Variants in SGCZ observed in about 807,000 individuals in gnomAD.
SGCZ encodes the protein sarcoglycan zeta.
Under a neutral mutation model 41.3 loss-of-function variants are expected in SGCZ, and 40 were observed. That is an observed-to-expected ratio of 0.97 (90% confidence interval 0.75 to 1.26). The LOEUF is 1.26. Among genes scored for constraint, SGCZ ranks in the 50% most tolerant of loss-of-function variants. The pLI is 0.00. For missense variants in SGCZ, 552 were observed against 369.8 expected, an observed-to-expected ratio of 1.49 and a Z score of -4.04; for synonymous variants, 206 against 137.5, an observed-to-expected ratio of 1.50 and a Z score of -3.49.
chr8:15,186,565 A>G (rs112714596), intron 1 of SGCZ, among the ~76,000 whole-genome samples: 8 of 152,212 alleles, frequency 5.3e-5, no homozygotes, highest in African/African-American at 1.9e-4. Context: ...GAGCTTTGAA[A>G]TAATATCTAT....
intron 1 of SGCZ, among the ~76,000 whole-genome samples, chr8:14,612,035 A>T (rs1430125187): frequency 1.3e-5 from 2 of 152,240 alleles, no homozygotes; most frequent in South Asian, 2.1e-4. Flanking sequence ...CCATTAAAAA[A>T]TTATTTAGCA....
intron 2 of SGCZ, among the ~76,000 whole-genome samples, chr8:14,447,266 C>T (rs555267381): frequency 2.0e-5 from 3 of 152,076 alleles, no homozygotes; most frequent in Admixed American, 6.6e-5. Flanking sequence ...AAACCAAGAT[C>T]TTTTCTTGCT....
At chr8:15,065,577 T>C (rs989139636) in intron 1 of SGCZ, among the ~76,000 whole-genome samples, 7 of 151,900 alleles carry the variant, frequency 4.6e-5, no homozygotes, top group Admixed American at 1.3e-4. Context: ...CTTGAGTAGA[T>C]GGGAGTACAG....
chr8:14,605,462 A>G (rs1218286150), intron 1 of SGCZ, among the ~76,000 whole-genome samples: 1 of 152,104 alleles, frequency 6.6e-6, no homozygotes, highest in Non-Finnish European at 1.5e-5. Context: ...ATTAGTATTG[A>G]CTATAGCCAC....
chr8:14,442,043 AG>A (rs1425791677), intron 2 of SGCZ, among the ~76,000 whole-genome samples: 1 of 152,242 alleles, frequency 6.6e-6, no homozygotes, highest in African/African-American at 2.4e-5. Context: ...AAACTGCCCA[AG>A]GCCATAACCA....
chr8:14,940,125 T>A (rs1181478696), intron 1 of SGCZ, among the ~76,000 whole-genome samples: 1 of 152,134 alleles, frequency 6.6e-6, no homozygotes, highest in Non-Finnish European at 1.5e-5. Flanking sequence ...CTATCCTACC[T>A]TCTGAAATCA....
chr8:14,771,900 G>C (rs1800252429), intron 1 of SGCZ, among the ~76,000 whole-genome samples: 1 of 151,970 alleles, frequency 6.6e-6, no homozygotes, highest in Non-Finnish European at 1.5e-5. Context: ...CAATAAAAAT[G>C]TTTTTATAAT....
At chr8:14,123,560 C>A (rs1394750852) in intron 5 of SGCZ, among the ~76,000 whole-genome samples, 2 of 152,124 alleles carry the variant, frequency 1.3e-5, no homozygotes, top group Admixed American at 6.6e-5. Flanking sequence ...GAGCCATGAC[C>A]AAGACCTATA....
chr8:14,800,664 T>G (rs543038360), intron 1 of SGCZ, among the ~76,000 whole-genome samples: 6 of 152,306 alleles, frequency 3.9e-5, no homozygotes, highest in South Asian at 4.2e-4. Context: ...TTCTGCCATG[T>G]AAGACGTGCT....
chr8:14,975,672 C>T (rs1801444307), intron 1 of SGCZ, among the ~76,000 whole-genome samples: 1 of 151,868 alleles, frequency 6.6e-6, no homozygotes, highest in Non-Finnish European at 1.5e-5. Flanking sequence ...GGGACAATTA[C>T]ACAGCAGTGA....
intron 4 of SGCZ, among the ~76,000 whole-genome samples, chr8:14,187,863 A>C (rs1380898968): frequency 1.3e-5 from 2 of 152,138 alleles, no homozygotes; most frequent in African/African-American, 4.8e-5. Flanking sequence ...TAAGATAAAC[A>C]CAAAGAGACC....
rs1807571636 is a variant in SGCZ, at chr8:14,656,380, CTTCT to C, written c.40-101458_40-101455del. ...CTTCTTCCTTTTCTTTTCGTTTTTT[CTTCT>C]TTTTCTCCCTTTCTCTTTCCTCCTC... On this transcript the variant is annotated intron_variant, in intron 1 of 7. Transcript: ENST00000382080. Among the ~76,000 whole-genome samples the C allele has an allele frequency of 2.0e-5, 3 of 148,936 alleles. No homozygotes were observed. The South Asian group carries it at 6.5e-4, about 32-fold the overall frequency.
At chr8:14,814,703 T>C (rs1333599248) in intron 1 of SGCZ, among the ~76,000 whole-genome samples, 7 of 152,160 alleles carry the variant, frequency 4.6e-5, no homozygotes, top group African/African-American at 1.7e-4. Flanking sequence ...ATTTTTTGTT[T>C]GTTTCTTGAG....
At chr8:14,523,108 T>C (rs1484809911) in intron 2 of SGCZ, among the ~76,000 whole-genome samples, 1 of 151,986 alleles carries the variant, frequency 6.6e-6, no homozygotes, top group Non-Finnish European at 1.5e-5. Context: ...TCCTTATTTA[T>C]AATGAAATTG....
Position 14,087,130 on chromosome 8 carries a change from TTAGA to T in SGCZ, c.*3309_*3312del, listed in dbSNP as rs1433489292. Among the ~76,000 whole-genome samples, 1 of 151,650 alleles carries T rather than the reference TTAGA, an allele frequency of 6.6e-6. No individual in the cohort carries two copies. Among genetic ancestry groups the T allele is most frequent in the Non-Finnish European group, 1.5e-5 (1 of 67,728 alleles). ...TGAGGTGTATAATTGTCTTAAACTC[TTAGA>T]TAAATAATTATGTGCCAAATTATAA... On this transcript the variant is annotated 3_prime_UTR_variant, in exon 8 of 8. Transcript: ENST00000382080.
intron 1 of SGCZ, among the ~76,000 whole-genome samples, chr8:14,578,378 G>T (rs1004762261): frequency 2.6e-5 from 4 of 152,092 alleles, no homozygotes; most frequent in African/African-American, 9.7e-5. Flanking sequence ...CCAGAGCATG[G>T]GCTCCTCTCT....
chr8:14,601,936 C>T (rs1017458332), intron 1 of SGCZ, among the ~76,000 whole-genome samples: 3 of 152,020 alleles, frequency 2.0e-5, no homozygotes, highest in East Asian at 2.0e-4. Flanking sequence ...CGGGCTAACA[C>T]GGTGAAACCC....
chr8:14,235,374 G>T (rs937456566), intron 4 of SGCZ, among the ~76,000 whole-genome samples: 2 of 152,104 alleles, frequency 1.3e-5, no homozygotes, highest in Non-Finnish European at 2.9e-5. Flanking sequence ...GCATTTCTCC[G>T]CACAACAAGC....
chr8:14,784,836 A>G (rs1282600606), intron 1 of SGCZ, among the ~76,000 whole-genome samples: 2 of 145,444 alleles, frequency 1.4e-5, no homozygotes, highest in Non-Finnish European at 3.0e-5. Flanking sequence ...TGGGAGGCAG[A>G]GGTTGTGGTG....
Sources: gnomAD v4.1 joint callset for allele counts (sites outside exome capture counted in the v4.1 genomes callset) on GRCh38, gnomAD v4.1.1 for gene constraint, MANE v1.5 for transcripts, NCBI Gene and HGNC (gene_info 2026-07-23, HGNC 2026-07-21) for gene names.